Variants in WNK3 observed in about 807,000 individuals in gnomAD.
The protein encoded by WNK3 is serine/threonine-protein kinase WNK3.
Under a neutral mutation model 116.7 loss-of-function variants are expected in WNK3, and 18 were observed. The observed-to-expected ratio is 0.15, with a 90% confidence interval of 0.11 to 0.23. The LOEUF (loss-of-function observed/expected upper bound fraction) is 0.23. Among genes scored for constraint, WNK3 ranks in the 10% least tolerant of loss-of-function variants. The probability of loss-of-function intolerance (pLI) is 1.00; values close to 1 mark genes in which losing one functional copy is unlikely to be tolerated. For missense variants in WNK3, 993 were observed against 1,323.8 expected (o/e 0.75, Z 3.88); for synonymous variants, 404 against 469.4 (o/e 0.86, Z 1.80).
At chrX:54,277,898 G>C (rs1232797165) in intron 10 of WNK3, among the ~76,000 whole-genome samples, 1 of 110,008 alleles carries the variant, frequency 9.1e-6, no homozygotes, top group Non-Finnish European at 1.9e-5. Flanking sequence ...TTCAACATCA[G>C]CCTGGGCAAC....
At chrX:54,301,680 C>A in intron 6 of WNK3, 91 bp downstream of exon 6, 3 of 758,346 alleles carry the variant, frequency 4.0e-6, no homozygotes, top group Non-Finnish European at 5.9e-6. Context: ...AAGTCAAACT[C>A]AGCATGACTG....
chrX:54,277,407 G>A (rs1313324159), intron 10 of WNK3, among the ~76,000 whole-genome samples: 3 of 107,218 alleles, frequency 2.8e-5, no homozygotes, highest in African/African-American at 1.0e-4. Flanking sequence ...GTACGATCTC[G>A]GCTCACTGCA....
chrX:54,221,656 A>G (rs2067762747), intron 22 of WNK3, among the ~76,000 whole-genome samples: 1 of 110,176 alleles, frequency 9.1e-6, no homozygotes, highest in Non-Finnish European at 1.9e-5. Context: ...AACATGGTGA[A>G]ACCCCATCTC....
chrX:54,284,402 G>GCT (rs1157606492), intron 10 of WNK3, among the ~76,000 whole-genome samples: 4 of 111,423 alleles, frequency 3.6e-5, no homozygotes, highest in African/African-American at 1.3e-4. Flanking sequence ...AGGGTGTGGA[G>GCT]CTCTCATACA....
intron 2 of WNK3, among the ~76,000 whole-genome samples, chrX:54,317,946 T>C (rs1264727858): frequency 3.6e-5 from 4 of 110,526 alleles, no homozygotes; most frequent in African/African-American, 1.3e-4. Flanking sequence ...GAAGTTAAAT[T>C]GTTTAATGAG....
intron 22 of WNK3, among the ~76,000 whole-genome samples, chrX:54,224,628 G>GGT (rs2146810949): frequency 9.2e-6 from 1 of 108,135 alleles, no homozygotes; most frequent in African/African-American, 3.4e-5. Flanking sequence ...GGAGTGCAGT[G>GGT]GCAAGATCTC....
At chrX:54,204,231 C>T (rs1040741509) in intron 22 of WNK3, among the ~76,000 whole-genome samples, 19 of 110,663 alleles carry the variant, frequency 1.7e-4, no homozygotes, top group African/African-American at 5.3e-4. Context: ...GCGATTCTCA[C>T]ACCTCAGCCT....
chrX:54,248,418 A>G lies in WNK3; in HGVS notation c.3651+279T>C, dbSNP rs981521965. 4.5e-5 allele frequency among the ~76,000 whole-genome samples: 5 copies of G among 111,244 alleles called. No individual in the cohort carries two copies. In the South Asian group the frequency reaches 1.5e-3, roughly 34 times the overall value. ...TTCTTCCTACCCACTAAAACAATCC[A>G]TGAGTCAGTTTTCATTCTGTCATTA... On this transcript the variant is annotated intron_variant, in intron 17 of 23. Transcript: ENST00000354646.
rs34246448 is a variant in WNK3, at chrX:54,329,106, G to C, written c.537+4031C>G. ...AGGAATGCCTACTGTGTTTCAGCTA[G>C]CTTTTGGGTTTGGTCCCATATTTCA... is the stretch of plus-strand genomic sequence containing the variant. On this transcript the variant is annotated intron_variant, in intron 2 of 23. Transcript: ENST00000354646. 6.9e-3 allele frequency among the ~76,000 whole-genome samples: 772 copies of C among 111,949 alleles called. 9 individuals are homozygous for C. The highest frequency in any genetic ancestry group is 0.033 in the Admixed American group (349 of 10,439).
intron 10 of WNK3, among the ~76,000 whole-genome samples, chrX:54,289,963 T>C (rs1421841179): frequency 8.9e-6 from 1 of 111,961 alleles, no homozygotes; most frequent in Non-Finnish European, 1.9e-5. Context: ...AGAAAACGTC[T>C]GAAGAGAAAC....
At position 54,308,144 on chromosome X, in the gene WNK3, C is replaced by T. The variant is rs782051308; in HGVS notation, c.932-65G>A. On this transcript the variant is annotated intron_variant, in intron 4 of 23. Coordinates refer to ENST00000354646, the Ensembl canonical transcript of WNK3. ...AAAACGTATCCACCAAGATCACATC[C>T]CCTTTCCTATAAGGATTATCTGTGT... 3.5e-5 allele frequency: 34 copies of T among 964,065 alleles called. No individual in the cohort carries two copies. In the African/African-American group the frequency reaches 6.3e-4, roughly 18 times the overall value. The allele number at this position is 964,065 out of a possible 1,213,427, so 79.4% of individuals were successfully genotyped here.
intron 10 of WNK3, among the ~76,000 whole-genome samples, chrX:54,260,218 A>G (rs1182058715): frequency 8.9e-6 from 1 of 112,244 alleles, no homozygotes; most frequent in Non-Finnish European, 1.9e-5. Flanking sequence ...ACCCATACTG[A>G]GAAATTTTTT....
chrX:54,348,020 A>C, intron 1 of WNK3, among the ~76,000 whole-genome samples: 1 of 110,694 alleles, frequency 9.0e-6, no homozygotes, highest in Non-Finnish European at 1.9e-5. Flanking sequence ...ATAGTAACTT[A>C]AGATACATGT....
intron 22 of WNK3, among the ~76,000 whole-genome samples, chrX:54,205,749 TTCATA>T (rs1287594041): frequency 3.6e-5 from 4 of 112,392 alleles, no homozygotes; most frequent in African/African-American, 1.3e-4. Flanking sequence ...TTAAAAGTTA[TTCATA>T]TCATAATATA....
At chrX:54,237,463 C>G (rs200980554) in exon 20 of WNK3, 9 of 1,203,739 alleles carry the variant, frequency 7.5e-6, no homozygotes, top group Non-Finnish European at 1.0e-5. Context: ...GGCTTCTTCA[C>G]TAGAATGGTT....
intron 1 of WNK3, among the ~76,000 whole-genome samples, chrX:54,353,489 T>C (rs2069547361): frequency 9.5e-6 from 1 of 105,064 alleles, no homozygotes; most frequent in African/African-American, 3.5e-5. Flanking sequence ...AATAAAATGG[T>C]TAAAATGGTA....
At chrX:54,199,143 A>T (rs1232304501) in intron 23 of WNK3, among the ~76,000 whole-genome samples, 1 of 110,621 alleles carries the variant, frequency 9.0e-6, no homozygotes, top group Non-Finnish European at 1.9e-5. Context: ...CTCAGAAACA[A>T]ATGCCTAGAA....
chrX:54,270,234 T>C (rs1027424085), intron 10 of WNK3, among the ~76,000 whole-genome samples: 1 of 109,420 alleles, frequency 9.1e-6, no homozygotes, highest in Non-Finnish European at 1.9e-5. Context: ...GCCTCCTGTG[T>C]AGGTAGGACT....
chrX:54,259,987 A>G (rs1204963486), intron 10 of WNK3, among the ~76,000 whole-genome samples: 2 of 111,863 alleles, frequency 1.8e-5, no homozygotes, highest in African/African-American at 6.5e-5. Flanking sequence ...TTTAAACCCT[A>G]TATGATGGTG....
Sources: gnomAD v4.1 joint callset for allele counts (sites outside exome capture counted in the v4.1 genomes callset) on GRCh38, gnomAD v4.1.1 for gene constraint, MANE v1.5 for transcripts, NCBI Gene and HGNC (gene_info 2026-07-23, HGNC 2026-07-21) for gene names.